Variants in RIT2 observed in about 807,000 individuals in gnomAD.
RIT2 encodes Ras like without CAAX 2.
A neutral mutation model predicts 23.7 loss-of-function variants in RIT2; 24 were observed. The ratio of observed to expected loss-of-function variants is 1.01; its 90% confidence interval spans 0.73 to 1.43. The LOEUF is 1.43. Among genes scored for constraint, RIT2 ranks in the 40% most tolerant of loss-of-function variants. The probability of loss-of-function intolerance (pLI) is 0.00; values close to 1 mark genes in which losing one functional copy is unlikely to be tolerated. For synonymous variants in RIT2, 107 were observed against 91.1 expected, an observed-to-expected ratio of 1.17 and a Z score of -0.99; for missense variants, 236 against 266.9, an observed-to-expected ratio of 0.88 and a Z score of 0.81.
At chr18:42,999,227 A>G (rs772895970) in intron 2 of RIT2, among the ~76,000 whole-genome samples, 3 of 152,122 alleles carry the variant, frequency 2.0e-5, no homozygotes, top group South Asian at 4.1e-4. Context: ...TGATTTTTTC[A>G]TAGGCACTAT....
intron 4 of RIT2, among the ~76,000 whole-genome samples, chr18:42,897,861 T>C (rs953085842): frequency 1.3e-5 from 2 of 152,190 alleles, no homozygotes; most frequent in African/African-American, 4.8e-5. Flanking sequence ...AGGGATGGAA[T>C]GAGATTCCTG....
intron 2 of RIT2, among the ~76,000 whole-genome samples, chr18:42,993,174 G>T (rs888882851): frequency 6.6e-6 from 1 of 152,178 alleles, no homozygotes; most frequent in African/African-American, 2.4e-5. Flanking sequence ...TGGCCACTGG[G>T]CCAAGGAATG....
At chr18:42,840,541 T>A (rs989809472) in intron 4 of RIT2, among the ~76,000 whole-genome samples, 1 of 149,394 alleles carries the variant, frequency 6.7e-6, no homozygotes, top group Non-Finnish European at 1.5e-5. Context: ...TTGCTCTTGA[T>A]GCCCAAGCTG....
chr18:42,787,527 G>A (rs925349406), intron 4 of RIT2, among the ~76,000 whole-genome samples: 2 of 152,168 alleles, frequency 1.3e-5, no homozygotes, highest in African/African-American at 2.4e-5. Flanking sequence ...CTCAAGCTAT[G>A]TTTTCCAAAC....
intron 4 of RIT2, among the ~76,000 whole-genome samples, chr18:42,920,130 C>G (rs1369349917): frequency 6.6e-6 from 1 of 152,146 alleles, no homozygotes; most frequent in African/African-American, 2.4e-5. Flanking sequence ...CCACTCCAAA[C>G]CCAAAGAATT....
intron 4 of RIT2, among the ~76,000 whole-genome samples, chr18:42,891,903 G>A (rs1405641611): frequency 2.6e-5 from 4 of 152,002 alleles, no homozygotes; most frequent in South Asian, 4.1e-4. Context: ...GGGTAATAAC[G>A]GTGTGTCAAT....
chr18:42,853,567 G>T (rs1465367739), intron 4 of RIT2, among the ~76,000 whole-genome samples: 3 of 152,132 alleles, frequency 2.0e-5, no homozygotes, highest in Non-Finnish European at 4.4e-5. Flanking sequence ...AGTATTGGAG[G>T]ATTCATTTCT....
chr18:42,815,151 A>G (rs1238813692), intron 4 of RIT2, among the ~76,000 whole-genome samples: 1 of 152,198 alleles, frequency 6.6e-6, no homozygotes, highest in African/African-American at 2.4e-5. Context: ...CTCACCAGCA[A>G]TGGATCCAAA....
chr18:42,816,718 T>C (rs1161591712), intron 4 of RIT2, among the ~76,000 whole-genome samples: 2 of 152,162 alleles, frequency 1.3e-5, no homozygotes, highest in Admixed American at 6.6e-5. Flanking sequence ...ATACTACATC[T>C]GATAATTAGT....
At chr18:42,880,638 A>G (rs77198470) in intron 4 of RIT2, among the ~76,000 whole-genome samples, 322 of 151,972 alleles carry the variant, frequency 2.1e-3, no homozygotes, top group African/African-American at 7.3e-3. Flanking sequence ...CTGTCTCCAT[A>G]TCTCGTTTAT....
intron 1 of RIT2, among the ~76,000 whole-genome samples, chr18:43,113,492 G>A (rs1913998524): frequency 6.6e-6 from 1 of 152,154 alleles, no homozygotes; most frequent in Non-Finnish European, 1.5e-5. Flanking sequence ...AAAGATGAGA[G>A]CAAGCCAGGC....
At chr18:43,102,220 T>C (rs908605562) in intron 1 of RIT2, among the ~76,000 whole-genome samples, 4 of 152,174 alleles carry the variant, frequency 2.6e-5, no homozygotes, top group African/African-American at 9.7e-5. Flanking sequence ...AGGAAACATA[T>C]GTGGAAACAT....
At chr18:42,921,503 TA>T (rs1271799873) in intron 4 of RIT2, among the ~76,000 whole-genome samples, 1 of 152,158 alleles carries the variant, frequency 6.6e-6, no homozygotes, top group African/African-American at 2.4e-5. Flanking sequence ...CAGGCTGGGA[TA>T]GGGGTTCTGA....
At chr18:42,891,635 G>C (rs1908178370) in intron 4 of RIT2, among the ~76,000 whole-genome samples, 1 of 152,146 alleles carries the variant, frequency 6.6e-6, no homozygotes, top group South Asian at 2.1e-4. Flanking sequence ...AGTGACAGAA[G>C]CCAATCTGAA....
In RIT2 at chr18:42,822,477, C is replaced by T. The variant is rs150720904; in HGVS notation, c.427-78757G>A. ...TGCCCAGGTCTCTTTAGATTTTATA[C>T]TCTAGTCAGTTTCATCTGCAATGGT... is the stretch of plus-strand genomic sequence containing the variant. On this transcript the variant is annotated intron_variant, in intron 4 of 4. Coordinates refer to ENST00000326695, the MANE Select transcript of RIT2 (RefSeq NM_002930.4). 1.3e-3 allele frequency among the ~76,000 whole-genome samples: 195 copies of T among 152,232 alleles called. 1 individual carries two copies. Among genetic ancestry groups the T allele is most frequent in the African/African-American group, 4.5e-3 (186 of 41,564 alleles).
chr18:42,854,204 A>G (rs1390836754), intron 4 of RIT2, among the ~76,000 whole-genome samples: 2 of 152,322 alleles, frequency 1.3e-5, no homozygotes, highest in African/African-American at 2.4e-5. Flanking sequence ...GGTGTAGTAC[A>G]TGTACCTTTA....
intron 4 of RIT2, among the ~76,000 whole-genome samples, chr18:42,800,086 A>T (rs1905482646): frequency 6.6e-6 from 1 of 152,180 alleles, no homozygotes; most frequent in Non-Finnish European, 1.5e-5. Context: ...CTCAATAAAC[A>T]TTGGTTAATC....
At chr18:42,936,948 C>G (rs113637839) in intron 3 of RIT2, among the ~76,000 whole-genome samples, 14,992 of 151,118 alleles carry the variant, frequency 0.099, 1,041 homozygotes, top group African/African-American at 0.19. Context: ...GGAGGCAGAG[C>G]TTGCAGTGAG....
chr18:42,923,724 C>A lies in RIT2; in HGVS notation c.274G>T (p.Gly92Trp). Residue 92 changes from glycine to tryptophan, a missense_variant, in exon 4 of 5, where the codon GGG becomes TGG. By Grantham distance (184) the Gly-to-Trp change is radical. Coordinates refer to ENST00000326695, the MANE Select transcript of RIT2 (RefSeq NM_002930.4). ...TAMREQYMRG[G>W]EGFIICYSVT... ...GAGTAGCAGATGATGAAGCCTTCCC[C>A]ACCTCGCATGTACTGCTCCCGCATG... The A allele has an allele frequency of 6.2e-7, 1 of 1,612,848 alleles. No individual in the cohort carries two copies. The highest frequency in any genetic ancestry group is 8.5e-7 in the Non-Finnish European group (1 of 1,179,598).
Sources: gnomAD v4.1 joint callset for allele counts (sites outside exome capture counted in the v4.1 genomes callset) on GRCh38, gnomAD v4.1.1 for gene constraint, MANE v1.5 for transcripts, NCBI Gene and HGNC (gene_info 2026-07-23, HGNC 2026-07-21) for gene names.